Variants in BARD1 observed in about 807,000 individuals in gnomAD.
The protein encoded by BARD1 is BRCA1-associated RING domain protein 1.
Under a neutral mutation model 77.0 loss-of-function variants are expected in BARD1, and 73 were observed. That is an observed-to-expected ratio of 0.95 (90% CI 0.79 to 1.15). The LOEUF (loss-of-function observed/expected upper bound fraction) is 1.15, where lower values mean the gene tolerates loss of function less well. Ranked by LOEUF, BARD1 falls within the 50% of genes most tolerant of loss-of-function variation. The probability of loss-of-function intolerance (pLI) is 0.00; values close to 1 mark genes in which losing one functional copy is unlikely to be tolerated. For missense variants in BARD1, 993 were observed against 938.8 expected (o/e 1.06, Z -0.75); for synonymous variants, 384 against 338.0 (o/e 1.14, Z -1.49).
intron 2 of BARD1, chr2:214,796,772 A>G: frequency 2.8e-6 from 1 of 357,498 alleles, no homozygotes; most frequent in Admixed American, 4.3e-5. Flanking sequence ...GAAAATTTAA[A>G]AACATCTATT....
At chr2:214,795,916 C>T (rs911150377) in intron 2 of BARD1, among the ~76,000 whole-genome samples, 5 of 152,126 alleles carry the variant, frequency 3.3e-5, no homozygotes, top group African/African-American at 1.2e-4. Context: ...TACCCCCCAT[C>T]CTCCTGCTGG....
chr2:214,763,929 AAGACAGTCTCTAGAACATTGAGAC>A, intron 6 of BARD1, among the ~76,000 whole-genome samples: 1 of 152,304 alleles, frequency 6.6e-6, no homozygotes, highest in East Asian at 1.9e-4. Context: ...CTAATTCTAG[AAGACAGTCTCTAGAACATTGAGAC>A]AGCATGCACT....
Position 214,747,798 on chromosome 2 carries a change from T to A in BARD1, c.1678-1944A>T, listed in dbSNP as rs1283873177. Among the ~76,000 whole-genome samples the A allele has an allele frequency of 2.0e-5, 3 of 151,296 alleles. No homozygotes were observed. In the East Asian group the frequency reaches 5.9e-4, roughly 30 times the overall value. The stretch of plus-strand genomic sequence containing the variant: ...GTGCAGCACACCAACATGACACATG[T>A]ATACATATGTAACAAACCTGCACGT... On this transcript the variant is annotated intron_variant, in intron 7 of 10. Transcript: ENST00000260947.
intron 2 of BARD1, among the ~76,000 whole-genome samples, chr2:214,796,253 T>C (rs983468473): frequency 3.9e-5 from 6 of 152,194 alleles, no homozygotes; most frequent in Non-Finnish European, 7.3e-5. Flanking sequence ...CACATGGATA[T>C]AATTTCACAA....
Position 214,728,605 on chromosome 2 carries a change from A to G in BARD1, c.*71T>C. 2 of 1,447,764 alleles carry G rather than the reference A, an allele frequency of 1.4e-6. No homozygotes were observed. Among genetic ancestry groups the G allele is most frequent in the Admixed American group, 1.8e-5 (1 of 55,494 alleles). 89.7% of individuals were successfully genotyped at this position (1,447,764 alleles called of 1,614,324 possible). A position where few individuals can be genotyped will look rare whatever the true frequency, so the allele number is the denominator to read the frequency against. On this transcript the variant is annotated 3_prime_UTR_variant, in exon 11 of 11. Transcript: ENST00000260947. ...ACCTATTTGTAAAAATGTGAACATT[A>G]AAAACAGTACAATGACTGGGCTCTC...
chr2:214,767,336 G>T, intron 6 of BARD1, 146 bp downstream of exon 6: 1 of 784,598 alleles, frequency 1.3e-6, no homozygotes, highest in Non-Finnish European at 2.1e-6. Flanking sequence ...CTGATTATGA[G>T]TGCAGAATGT....
At chr2:214,730,636 T>C in intron 9 of BARD1, 128 bp from the exon 10 acceptor site, 1 of 746,704 alleles carries the variant, frequency 1.3e-6, no homozygotes, top group Admixed American at 2.2e-5. Context: ...TATTCTAAAA[T>C]GCAAACAGAA....
intron 7 of BARD1, among the ~76,000 whole-genome samples, chr2:214,749,285 G>A (rs1391409253): frequency 6.6e-6 from 1 of 152,146 alleles, no homozygotes; most frequent in Non-Finnish European, 1.5e-5. Flanking sequence ...CTGAAAAAGA[G>A]TGAGTGAAGA....
chr2:214,767,426 C>T (rs1694254135), intron 6 of BARD1, 56 bp downstream of exon 6: 1 of 1,549,852 alleles, frequency 6.5e-7, no homozygotes, highest in Non-Finnish European at 8.9e-7. Context: ...TATCACACAC[C>T]TTGATTCAAG....
intron 3 of BARD1, among the ~76,000 whole-genome samples, chr2:214,784,682 G>A (rs150363272): frequency 0.015 from 2,241 of 152,246 alleles, 14 homozygotes; most frequent in Middle Eastern, 0.031. Context: ...ATACACCATG[G>A]AATACTATAC....
intron 6 of BARD1, 25 bp from the exon 7 acceptor site, chr2:214,752,580 T>C: frequency 6.4e-7 from 1 of 1,561,832 alleles, no homozygotes; most frequent in Non-Finnish European, 8.8e-7. Flanking sequence ...GCAGATGTGT[T>C]TAAGTAAGTC....
At position 214,792,459 on chromosome 2, in the gene BARD1, A is replaced by T. The variant is rs775103922; in HGVS notation, c.216-14T>A. 2.7e-4 allele frequency: 23 copies of T among 86,344 alleles called. No individual in the cohort carries two copies. The highest frequency in any genetic ancestry group is 5.5e-4 in the East Asian group (2 of 3,664). The allele number at this position is 86,344 out of a possible 1,614,324, so 5.3% of individuals were successfully genotyped here. Reference sequence around the variant, plus strand: ...CTTACACAATTACTTTAAAATAATTAAAAAAAAAAAAAAAAGCAACCCATT... The same window carrying T: ...CTTACACAATTACTTTAAAATAATTTAAAAAAAAAAAAAAAGCAACCCATT... On this transcript the variant is annotated splice_polypyrimidine_tract_variant and intron_variant, in intron 2 of 10. Transcript: ENST00000260947.
intron 6 of BARD1, among the ~76,000 whole-genome samples, chr2:214,759,759 C>T (rs1245314820): frequency 2.0e-5 from 3 of 152,042 alleles, no homozygotes; most frequent in African/African-American, 7.2e-5. Context: ...AAGAACACAG[C>T]CTCTATGGGA....
intron 4 of BARD1, among the ~76,000 whole-genome samples, chr2:214,775,097 C>T (rs1392323366): frequency 1.3e-5 from 2 of 152,176 alleles, no homozygotes; most frequent in Non-Finnish European, 2.9e-5. Flanking sequence ...ATGCTTTCTT[C>T]TCATCTCATT....
chr2:214,807,737 T>TGAAGCTCA (rs1696341111), intron 1 of BARD1, among the ~76,000 whole-genome samples: 1 of 151,638 alleles, frequency 6.6e-6, no homozygotes, highest in Non-Finnish European at 1.5e-5. Context: ...ATCCGGAAAA[T>TGAAGCTCA]GAGAGATGAA....
chr2:214,771,343 T>A (rs1694476370), intron 4 of BARD1, among the ~76,000 whole-genome samples: 1 of 152,120 alleles, frequency 6.6e-6, no homozygotes, highest in Admixed American at 6.6e-5. Flanking sequence ...CCTCTCCCAA[T>A]ACTTTTTTCT....
chr2:214,786,482 C>A (rs1454109889), intron 3 of BARD1, among the ~76,000 whole-genome samples: 1 of 151,904 alleles, frequency 6.6e-6, no homozygotes, highest in East Asian at 1.9e-4. Flanking sequence ...TATTCTTTCA[C>A]CTCATATTTC....
Position 214,792,319 on chromosome 2 carries a change from CA to C in BARD1, c.341del (p.Leu114CysfsTer10). On this transcript the variant is annotated frameshift_variant, in exon 3 of 11. Coordinates refer to ENST00000260947, the MANE Select transcript of BARD1 (RefSeq NM_000465.4). LOFTEE classifies it high-confidence loss of function. ...TACCTGACAGCTCATTGTCATGTAG[CA>C]AATTTCGAAGCTTACTACAAAGTTG... ...MIQLCSKLRN[L>X]LHDNELSDLK... 6.2e-7 allele frequency: 1 copy of C among 1,613,342 alleles called. No individual in the cohort carries two copies. The highest frequency in any genetic ancestry group is 8.5e-7 in the Non-Finnish European group (1 of 1,179,700).
intron 2 of BARD1, among the ~76,000 whole-genome samples, chr2:214,794,647 T>C (rs1695677708): frequency 6.6e-6 from 1 of 152,216 alleles, no homozygotes; most frequent in Non-Finnish European, 1.5e-5. Flanking sequence ...CTCTTTATGG[T>C]TCTCAATTCT....
Sources: allele counts gnomAD v4.1 joint callset (sites outside exome capture counted in the v4.1 genomes callset), GRCh38; gene constraint gnomAD v4.1.1; transcripts MANE v1.5; gene names NCBI Gene and HGNC (gene_info 2026-07-23, HGNC 2026-07-21).